The following DNHD1 variants were observed in gnomAD, a reference collection of about 807,000 sequenced individuals.
DNHD1 encodes the protein dynein heavy chain domain 1.
DNHD1 carries 383 observed loss-of-function variants against 458.1 expected under a neutral mutation model. The ratio of observed to expected loss-of-function variants is 0.84; its 90% confidence interval spans 0.77 to 0.91. The LOEUF is 0.91. Ranked by LOEUF, DNHD1 falls within the 40% of genes least tolerant of loss-of-function variation. DNHD1 has a pLI of 0.00. For missense variants in DNHD1, 5,336 were observed against 5,866.1 expected (o/e 0.91, Z 2.95); for synonymous variants, 2,203 against 2,376.9 (o/e 0.93, Z 2.13).
chr11:6,565,033 G>C (rs1003905614), intron 32 of DNHD1, among the ~76,000 whole-genome samples: 1 of 152,060 alleles, frequency 6.6e-6, no homozygotes, highest in Non-Finnish European at 1.5e-5. Context: ...CCACTTCCCT[G>C]GTCTACTCAG....
At chr11:6,541,688 G>C (rs1226200358) in intron 18 of DNHD1, among the ~76,000 whole-genome samples, 1 of 152,056 alleles carries the variant, frequency 6.6e-6, no homozygotes, top group East Asian at 1.9e-4. Flanking sequence ...AACAATAGAG[G>C]GTCACTGCAT....
In DNHD1 at chr11:6,571,708, G is replaced by A. The variant is rs1465169501; in HGVS notation, c.13984G>A (p.Glu4662Lys). 6.2e-7 allele frequency: 1 copy of A among 1,612,364 alleles called. No individual in the cohort carries two copies. Among genetic ancestry groups the A allele is most frequent in the African/African-American group, 1.3e-5 (1 of 74,980 alleles). ...GATCGGGCTACAGGTCCTACATGCG[G>A]AGTGGGACCCAATAGCTGGAGCCTT... ...LLIGLQVLHA[E>K]WDPIAGALQD... The change falls in exon 43 of 43, where the codon GAG (glutamate) becomes AAG (lysine). Residue 4662 changes from glutamate (E) to lysine (K), a missense_variant. Coordinates refer to ENST00000254579, the MANE Select transcript of DNHD1 (RefSeq NM_144666.3). This position sits in a 1 kb window ranked among gnomAD's most constrained non-coding sequence, Gnocchi z 5.0.
At position 6,509,020 on chromosome 11, in the gene DNHD1, T is replaced by C. The variant is rs1852282875; in HGVS notation, c.1061T>C (p.Leu354Pro). ...GGTACCTGGCACCATCACTGTGTTC[T>C]CTGGCAGCAGCTCCAGTTCATTCCA... ...TLGTWHHHCV[L>P]WQQLQFIPFF... The change falls in exon 5 of 43, where the codon CTC becomes CCC. Residue 354 changes from leucine (L) to proline (P), a missense_variant. Leu to Pro is a moderately conservative substitution (Grantham distance 98). This residue lies in a region of DNHD1 where 3,932 missense variants were observed against 4,365.6 expected (regional missense o/e 0.90). Coordinates refer to ENST00000254579, the MANE Select transcript of DNHD1 (RefSeq NM_144666.3). 6.2e-7 allele frequency: 1 copy of C among 1,614,142 alleles called. No individual in the cohort carries two copies. Among genetic ancestry groups the C allele is most frequent in the Non-Finnish European group, 8.5e-7 (1 of 1,180,040 alleles).
chr11:6,571,448 G>A lies in DNHD1; in HGVS notation c.13911+25G>A, dbSNP rs1358899928. ...GGTATCTTCGCGCCGCCCCTCGTTC[G>A]CGGTTCCAGTCCCCTCGAAGTCTCT... On this transcript the variant is annotated intron_variant, in intron 42 of 42. Transcript: ENST00000254579. The surrounding 1 kb of genome is among the most constrained non-coding windows in gnomAD (Gnocchi z 5.0). 1.5e-5 allele frequency: 23 copies of A among 1,549,078 alleles called. No homozygotes were observed. The highest frequency in any genetic ancestry group is 7.0e-5 in the East Asian group (3 of 42,684).
chr11:6,538,255 C>A, intron 14 of DNHD1, 128 bp from the exon 15 acceptor site: 1 of 724,322 alleles, frequency 1.4e-6, no homozygotes, highest in East Asian at 2.7e-5. Flanking sequence ...GGAACTCCAC[C>A]TCCCCCACCC....
rs368832969 is a variant in DNHD1 at position 6,516,293 on chromosome 11, CTT to C, written c.1393-3291_1393-3290del. 8.4e-3 allele frequency among the ~76,000 whole-genome samples: 1,122 copies of C among 133,346 alleles called. 15 individuals are homozygous for C. Among genetic ancestry groups the C allele is most frequent in the African/African-American group, 0.03 (1,043 of 34,940 alleles). 87.5% of individuals were successfully genotyped at this position (133,346 alleles called of 152,430 possible). On this transcript the variant is annotated intron_variant, in intron 7 of 42. Transcript: ENST00000254579. ...TTGTTTTGTCATAGTACTCTAATCA[CTT>C]TTTTTTTTTTTTTTTGAGATGGAGT...
chr11:6,566,102 C>A, intron 33 of DNHD1, 111 bp downstream of exon 33: 2 of 1,479,126 alleles, frequency 1.4e-6, no homozygotes, highest in East Asian at 2.5e-5. Context: ...TCATCCCAGG[C>A]ACTAACTATA....
In DNHD1 at chr11:6,566,383, C is replaced by T; in HGVS notation, c.11196C>T (p.Ala3732=). Residue 3732 remains alanine, a synonymous_variant, in exon 34 of 43, where the codon GCC becomes GCT. Transcript: ENST00000254579. ...LYLSTTLSLC[A]MEKVLGCELL... is the part of the protein sequence containing the mutation. ...TCAGCACCACCCTCTCCCTCTGTGC[C>T]ATGGAAAAAGGTGAGGCCCAGAGGG... 1 of 1,559,186 alleles carries T rather than the reference C, an allele frequency of 6.4e-7. No individual in the cohort carries two copies. The highest frequency in any genetic ancestry group is 8.7e-7 in the Non-Finnish European group (1 of 1,151,388).
chr11:6,571,830 G>GTGT lies in DNHD1; in HGVS notation c.14106_14107insTGT (p.Leu4702_Thr4703insCys). The GTGT allele has an allele frequency of 6.2e-7, 1 of 1,613,994 alleles. No homozygotes were observed. The highest frequency in any genetic ancestry group is 1.1e-5 in the South Asian group (1 of 91,076). ...GTGACCTGCCAGCCCCAGCCGACCT[G>GTGT]ACTGTGTACTCGTGTCCTGTGTACA... On this transcript the variant is annotated inframe_insertion, in exon 43 of 43. Transcript: ENST00000254579. This position sits in a 1 kb window ranked among gnomAD's most constrained non-coding sequence, Gnocchi z 5.0.
rs1462023436 is a variant in DNHD1 at position 6,548,235 on chromosome 11, A to C, written c.6931A>C (p.Ile2311Leu). 7 of 1,551,694 alleles carry C rather than the reference A, an allele frequency of 4.5e-6. No individual in the cohort carries two copies. Among genetic ancestry groups the C allele is most frequent in the Non-Finnish European group, 6.1e-6 (7 of 1,146,988 alleles). Residue 2311 changes from isoleucine (I) to leucine (L), a missense_variant, in exon 23 of 43, where the codon ATA becomes CTA. This residue lies in a region of DNHD1 where 3,932 missense variants were observed against 4,365.6 expected (regional missense o/e 0.90). Coordinates refer to ENST00000254579, the MANE Select transcript of DNHD1 (RefSeq NM_144666.3). The surrounding 1 kb of genome is among the most constrained non-coding windows in gnomAD (Gnocchi z 4.4). The stretch of plus-strand genomic sequence containing the variant: ...GTTCTGGCCCATCTTTGATACCTTC[A>C]TAAGGGATTCTATTAGTCGCCTCTC... ...SRFWPIFDTF[I>L]RDSISRLSNY... is the part of the protein sequence containing the mutation.
chr11:6,560,318 A>G (rs1342014362), intron 28 of DNHD1, among the ~76,000 whole-genome samples: 1 of 152,164 alleles, frequency 6.6e-6, no homozygotes, highest in African/African-American at 2.4e-5. Flanking sequence ...ACACAACTCC[A>G]GAGACATGGC....
intron 26 of DNHD1, 33 bp from the exon 27 acceptor site, chr11:6,558,869 C>T (rs372457320): frequency 1.3e-6 from 2 of 1,549,752 alleles, no homozygotes; most frequent in Non-Finnish European, 1.7e-6. Flanking sequence ...CCTACAAGCT[C>T]ACAGAGTGAG....
At chr11:6,551,810 A>G (rs368226032) in intron 24 of DNHD1, among the ~76,000 whole-genome samples, 145 of 152,194 alleles carry the variant, frequency 9.5e-4, no homozygotes, top group Non-Finnish European at 1.5e-3. Flanking sequence ...GCATGGTGGC[A>G]TGTACCTGTA....
chr11:6,540,624 A>T (rs1589882526), intron 18 of DNHD1, among the ~76,000 whole-genome samples: 1 of 152,172 alleles, frequency 6.6e-6, no homozygotes, highest in African/African-American at 2.4e-5. Flanking sequence ...CAGAGAGAGG[A>T]CCAGCTCAAA....
At chr11:6,561,842 T>C (rs1020217328) in intron 28 of DNHD1, among the ~76,000 whole-genome samples, 1 of 151,966 alleles carries the variant, frequency 6.6e-6, no homozygotes, top group African/African-American at 2.4e-5. Flanking sequence ...GTGTGCCACA[T>C]TGGAGGAACT....
Position 6,533,022 on chromosome 11 carries a change from T to G in DNHD1, c.2348-5T>G. ...TCCCCTCACACCTTACTCTCCTGTC[T>G]CCAGAATCCAAGCTGAACAGCATAA... is the stretch of plus-strand genomic sequence containing the variant. On this transcript the variant is annotated splice_region_variant and splice_polypyrimidine_tract_variant and intron_variant, in intron 12 of 42. Coordinates refer to ENST00000254579, the MANE Select transcript of DNHD1 (RefSeq NM_144666.3). 1 of 1,551,334 alleles carries G rather than the reference T, an allele frequency of 6.4e-7. No individual in the cohort carries two copies. Among genetic ancestry groups the G allele is most frequent in the Non-Finnish European group, 8.7e-7 (1 of 1,146,886 alleles).
Position 6,568,759 on chromosome 11 carries a change from ACT to A in DNHD1, c.12759_12760del (p.Tyr4254HisfsTer54), listed in dbSNP as rs578050424. ...ACAGTGTGGAGCTAGCCCAGCAAGT[ACT>A]CTACATGCAACCCCCCACCCAGGCA... ...IDSVELAQQV[L>X]YMQPPTQALP... On this transcript the variant is annotated frameshift_variant, in exon 39 of 43. Transcript: ENST00000254579. LOFTEE classifies it high-confidence loss of function. 1.4e-5 allele frequency: 22 copies of A among 1,613,244 alleles called. No homozygotes were observed. The highest frequency in any genetic ancestry group is 1.9e-5 in the Non-Finnish European group (22 of 1,179,644).
intron 7 of DNHD1, among the ~76,000 whole-genome samples, chr11:6,513,833 C>T (rs979039206): frequency 2.0e-5 from 3 of 152,016 alleles, no homozygotes; most frequent in African/African-American, 4.8e-5. Flanking sequence ...ATGCTGATTT[C>T]CAGCTGCCTT....
chr11:6,515,073 C>G (rs1038580669), intron 7 of DNHD1, among the ~76,000 whole-genome samples: 1 of 152,214 alleles, frequency 6.6e-6, no homozygotes, highest in African/African-American at 2.4e-5. Flanking sequence ...GTTAAGCCCT[C>G]TTAGCTCATT....
Sources: gnomAD v4.1 joint callset for allele counts (sites outside exome capture counted in the v4.1 genomes callset) on GRCh38, gnomAD v4.1.1 for gene constraint, gnomAD v4.1.1 regional missense constraint, Gnocchi (gnomAD v3.1) non-coding constraint, MANE v1.5 for transcripts, NCBI Gene and HGNC (gene_info 2026-07-23, HGNC 2026-07-21) for gene names.